LRP1B: variants seen among roughly 807,000 people sequenced by gnomAD.
The protein encoded by LRP1B is LDL receptor related protein 1B, also known as low-density lipoprotein receptor-related protein 1B.
LRP1B carries 217 observed loss-of-function variants against 556.6 expected under a neutral mutation model. The ratio of observed to expected loss-of-function variants is 0.39; its 90% CI spans 0.35 to 0.44. The LOEUF (loss-of-function observed/expected upper bound fraction) is 0.44. LRP1B is among the 20% of genes least tolerant of loss of function. The pLI, the probability that LRP1B is intolerant of heterozygous loss-of-function variation, is 1.00. For missense variants in LRP1B, 5,053 were observed against 5,620.8 expected, an observed-to-expected ratio of 0.90 and a Z score of 3.23; for synonymous variants, 2,047 against 1,865.8, an observed-to-expected ratio of 1.10 and a Z score of -2.50.
intron 4 of LRP1B, among the ~76,000 whole-genome samples, chr2:141,248,335 C>T (rs529011255): frequency 8.5e-5 from 13 of 152,136 alleles, no homozygotes; most frequent in South Asian, 2.1e-4. Context: ...CTGAGTAAGA[C>T]GAGTCTAGAG....
At chr2:140,362,898 C>T (rs1325755834) in intron 72 of LRP1B, among the ~76,000 whole-genome samples, 1 of 151,498 alleles carries the variant, frequency 6.6e-6, no homozygotes, top group East Asian at 1.9e-4. Context: ...GGTGAGGGTT[C>T]GTGTTCACTT....
intron 1 of LRP1B, among the ~76,000 whole-genome samples, chr2:142,051,107 T>TATATTTC (rs1704438061): frequency 6.6e-6 from 1 of 152,048 alleles, no homozygotes; most frequent in Non-Finnish European, 1.5e-5. Flanking sequence ...ATATGAACAT[T>TATATTTC]TGAAGAGAGT....
chr2:141,236,990 T>G (rs955280661), intron 5 of LRP1B, among the ~76,000 whole-genome samples: 21 of 152,200 alleles, frequency 1.4e-4, no homozygotes, highest in African/African-American at 4.6e-4. Context: ...TATGAAAAAC[T>G]TGTGGACACA....
chr2:140,448,861 A>G (rs1686774269), intron 63 of LRP1B, among the ~76,000 whole-genome samples: 2 of 152,076 alleles, frequency 1.3e-5, no homozygotes, highest in South Asian at 4.1e-4. Context: ...CATGTTGCAT[A>G]CCTTAAATAT....
intron 3 of LRP1B, among the ~76,000 whole-genome samples, chr2:141,312,520 T>A (rs1433965328): frequency 6.6e-6 from 1 of 152,106 alleles, no homozygotes; most frequent in East Asian, 1.9e-4. Flanking sequence ...ATACATGGAT[T>A]TTTTACTGTG....
At chr2:141,327,735 T>C (rs962552671) in intron 3 of LRP1B, among the ~76,000 whole-genome samples, 1 of 152,184 alleles carries the variant, frequency 6.6e-6, no homozygotes, top group African/African-American at 2.4e-5. Context: ...TCCTCTTTTC[T>C]ATATTGCTGG....
intron 3 of LRP1B, among the ~76,000 whole-genome samples, chr2:141,429,305 T>C (rs548596396): frequency 6.6e-6 from 1 of 152,122 alleles, no homozygotes; most frequent in African/African-American, 2.4e-5. Flanking sequence ...AATATACACA[T>C]AGTATTTTCT....
At chr2:140,415,109 G>T (rs1275267644) in intron 66 of LRP1B, among the ~76,000 whole-genome samples, 1 of 152,148 alleles carries the variant, frequency 6.6e-6, no homozygotes, top group Non-Finnish European at 1.5e-5. Flanking sequence ...GCTTACTAGG[G>T]TGGGGAAAAA....
chr2:140,495,313 C>CTT (rs10536858), intron 56 of LRP1B, among the ~76,000 whole-genome samples: 16 of 133,746 alleles, frequency 1.2e-4, no homozygotes, highest in African/African-American at 3.0e-4. Context: ...AGAGATAGTT[C>CTT]TTTTTTTTTT....
At chr2:140,659,098 GTTTTTTTTTTTTTTTT>G (rs59651364) in intron 41 of LRP1B, among the ~76,000 whole-genome samples, 1 of 61,098 alleles carries the variant, frequency 1.6e-5, no homozygotes, top group African/African-American at 6.3e-5. Flanking sequence ...CTGTAAATCT[GTTTTTTTTTTTTTTTT>G]TTTTTTTTTT....
chr2:141,096,627 GGGGAGAGAGAGAGAGAGAGAGA>G (rs1414449714), intron 7 of LRP1B, among the ~76,000 whole-genome samples: 20 of 50,548 alleles, frequency 4.0e-4, no homozygotes, highest in Admixed American at 1.4e-3. Context: ...ACGGGGAGAG[GGGGAGAGAGAGAGAGAGAGAGA>G]GAGAGAGAGA....
chr2:141,939,639 A>T (rs1451450187), intron 1 of LRP1B, among the ~76,000 whole-genome samples: 1 of 152,124 alleles, frequency 6.6e-6, no homozygotes, highest in Non-Finnish European at 1.5e-5. Context: ...ATTTGGCTGT[A>T]TTTTACTATT....
chr2:140,559,153 A>G (rs1408196886), intron 43 of LRP1B, among the ~76,000 whole-genome samples: 2 of 152,180 alleles, frequency 1.3e-5, no homozygotes, highest in Non-Finnish European at 2.9e-5. Flanking sequence ...AAACAATGTC[A>G]TAGTATACAG....
At chr2:141,509,336 G>A (rs1028377501) in intron 2 of LRP1B, among the ~76,000 whole-genome samples, 4 of 152,240 alleles carry the variant, frequency 2.6e-5, no homozygotes, top group African/African-American at 9.6e-5. Context: ...GGATGTTTGT[G>A]TCACTGTCAT....
At chr2:140,448,758 A>C (rs1686768880) in intron 63 of LRP1B, among the ~76,000 whole-genome samples, 1 of 152,136 alleles carries the variant, frequency 6.6e-6, no homozygotes. Context: ...GATTTTAAGT[A>C]TTCTCATCAC....
intron 43 of LRP1B, 120 bp downstream of exon 43, chr2:140,598,511 G>T: frequency 1.4e-6 from 1 of 725,786 alleles, no homozygotes; most frequent in Non-Finnish European, 2.3e-6. Flanking sequence ...CAATTGGATT[G>T]TTTCAATCAA....
At chr2:140,984,309 CTCTTT>C (rs1696856556) in intron 17 of LRP1B, among the ~76,000 whole-genome samples, 1 of 151,546 alleles carries the variant, frequency 6.6e-6, no homozygotes, top group Non-Finnish European at 1.5e-5. Flanking sequence ...CTTATTTTTT[CTCTTT>C]TCTTTTTCTT....
intron 1 of LRP1B, among the ~76,000 whole-genome samples, chr2:141,948,818 A>C (rs1224216209): frequency 2.0e-5 from 3 of 152,070 alleles, no homozygotes; most frequent in Admixed American, 2.0e-4. Context: ...TAACAATAGC[A>C]GGATCTAAAA....
intron 3 of LRP1B, among the ~76,000 whole-genome samples, chr2:141,394,873 G>A (rs994114989): frequency 6.6e-6 from 1 of 152,042 alleles, no homozygotes; most frequent in African/African-American, 2.4e-5. Context: ...CTCTGTTTAT[G>A]ATAAACTAAA....
Sources: allele counts gnomAD v4.1 joint callset (sites outside exome capture counted in the v4.1 genomes callset), GRCh38; gene constraint gnomAD v4.1.1; transcripts MANE v1.5; gene names NCBI Gene and HGNC (gene_info 2026-07-23, HGNC 2026-07-21).